CABLES1: variants seen among roughly 807,000 people sequenced by gnomAD.
CABLES1 encodes CDK5 and ABL1 enzyme substrate 1.
CABLES1 carries 36 observed loss-of-function variants against 57.8 expected under a neutral mutation model. The observed-to-expected ratio is 0.62, with a 90% CI of 0.48 to 0.82. CABLES1 has a LOEUF of 0.82. Ranked by LOEUF, CABLES1 falls within the 40% of genes least tolerant of loss-of-function variation. CABLES1 has a pLI of 0.00. For missense variants in CABLES1, 767 were observed against 836.6 expected (o/e 0.92, Z 1.03); for synonymous variants, 374 against 363.0 (o/e 1.03, Z -0.35).
chr18:23,139,642 A>T (rs2046845219), intron 1 of CABLES1, among the ~76,000 whole-genome samples: 1 of 152,200 alleles, frequency 6.6e-6, no homozygotes, highest in Admixed American at 6.5e-5. Flanking sequence ...GATTCTTGAC[A>T]TCTATTGTAT....
At chr18:23,233,411 T>C (rs1192071566) in intron 4 of CABLES1, among the ~76,000 whole-genome samples, 1 of 152,216 alleles carries the variant, frequency 6.6e-6, no homozygotes, top group Non-Finnish European at 1.5e-5. Context: ...CAACCTACCG[T>C]CCTGGTGACC....
chr18:23,167,804 C>T (rs1004801049), intron 1 of CABLES1, among the ~76,000 whole-genome samples: 55 of 152,086 alleles, frequency 3.6e-4, no homozygotes, highest in Non-Finnish European at 7.6e-4. Context: ...TCGTTGGGGG[C>T]CTCGGCAGGT....
At chr18:23,246,900 C>T (rs1274159828) in intron 7 of CABLES1, among the ~76,000 whole-genome samples, 2 of 152,152 alleles carry the variant, frequency 1.3e-5, no homozygotes, top group Non-Finnish European at 1.5e-5. Context: ...ACCATGTTGG[C>T]CAAGCTGGTC....
At chr18:23,170,824 G>T (rs950767734) in intron 1 of CABLES1, among the ~76,000 whole-genome samples, 2 of 152,116 alleles carry the variant, frequency 1.3e-5, no homozygotes, top group Non-Finnish European at 1.5e-5. Flanking sequence ...TGAGACAGAG[G>T]CTTGCTCTAT....
Position 23,205,181 on chromosome 18 carries a change from C to CTTTT in CABLES1, c.1011-8775_1011-8772dup, listed in dbSNP as rs34690271. 2.7e-3 allele frequency among the ~76,000 whole-genome samples: 222 copies of CTTTT among 81,180 alleles called. 7 individuals carry two copies. The highest frequency in any genetic ancestry group is 6.1e-3 in the African/African-American group (121 of 19,734). The allele number at this position is 81,180 out of a possible 152,430, so 53.3% of individuals were successfully genotyped here. A position where few individuals can be genotyped will look rare whatever the true frequency, so the allele number is the denominator to read the frequency against. On this transcript the variant is annotated intron_variant, in intron 3 of 9. Coordinates refer to ENST00000256925, the MANE Select transcript of CABLES1 (RefSeq NM_001100619.3). ...AATTCCAAAAGGACTTCATTCCTGACTTTTTTTTTTTTTTTTTTTTTTTTG... is the reference window on the plus strand; with the variant it reads ...AATTCCAAAAGGACTTCATTCCTGACTTTTTTTTTTTTTTTTTTTTTTTTTTTTG...
At chr18:23,224,611 C>G (rs1418060954) in intron 4 of CABLES1, among the ~76,000 whole-genome samples, 1 of 126,384 alleles carries the variant, frequency 7.9e-6, no homozygotes, top group African/African-American at 3.0e-5. Context: ...CTCAGTTGCT[C>G]AGGCTGGAGT....
intron 1 of CABLES1, among the ~76,000 whole-genome samples, chr18:23,171,291 T>G (rs1263759861): frequency 6.6e-5 from 10 of 152,252 alleles, no homozygotes. Context: ...CGGATTGTTC[T>G]TAAAGGCAAG....
At chr18:23,135,129 C>G (rs557887223), upstream of CABLES1, among the ~76,000 whole-genome samples, 1 of 152,192 alleles carries the variant, frequency 6.6e-6, no homozygotes, top group South Asian at 2.1e-4. Context: ...CCTAACCCAC[C>G]GGGTTCTGCT....
intron 1 of CABLES1, among the ~76,000 whole-genome samples, chr18:23,186,978 C>T (rs1017671318): frequency 6.6e-6 from 1 of 152,352 alleles, no homozygotes; most frequent in South Asian, 2.1e-4. Flanking sequence ...GGCTGTGTCT[C>T]AACCCATAGC....
intron 1 of CABLES1, among the ~76,000 whole-genome samples, chr18:23,157,239 T>C (rs2046971757): frequency 6.6e-6 from 1 of 152,098 alleles, no homozygotes; most frequent in Non-Finnish European, 1.5e-5. Flanking sequence ...TATTTAGAAA[T>C]ACATATATAT....
chr18:23,212,984 A>C (rs1261226597), intron 3 of CABLES1, among the ~76,000 whole-genome samples: 2 of 152,156 alleles, frequency 1.3e-5, no homozygotes, highest in Non-Finnish European at 2.9e-5. Flanking sequence ...CACGGGTAGA[A>C]CGGTAAAATC....
In CABLES1 at chr18:23,161,007, T is replaced by G. The variant is rs901786965; in HGVS notation, c.845+24400T>G. Among the ~76,000 whole-genome samples, 6 of 152,002 alleles carry G rather than the reference T, an allele frequency of 3.9e-5. No homozygotes were observed. In the South Asian group the frequency reaches 6.2e-4, roughly 16 times the overall value. On this transcript the variant is annotated intron_variant, in intron 1 of 9. Coordinates refer to ENST00000256925, the MANE Select transcript of CABLES1 (RefSeq NM_001100619.3). ...AAGATCACACCATTGCACTCCAGCC[T>G]GGGTGACACTGACACAGTGAGACTC...
intron 1 of CABLES1, among the ~76,000 whole-genome samples, chr18:23,161,993 C>G (rs56161124): frequency 0.022 from 3,275 of 151,988 alleles, 128 homozygotes; most frequent in African/African-American, 0.075. Flanking sequence ...TGGCGAAGCC[C>G]TGTCTCTACT....
intron 3 of CABLES1, among the ~76,000 whole-genome samples, chr18:23,212,265 A>G (rs752022312): frequency 9.2e-5 from 14 of 152,320 alleles, no homozygotes; most frequent in Non-Finnish European, 1.3e-4. Context: ...AGTGTGTACT[A>G]TTTGCCAGCT....
chr18:23,209,945 C>T (rs1353254466), intron 3 of CABLES1, among the ~76,000 whole-genome samples: 1 of 152,286 alleles, frequency 6.6e-6, no homozygotes, highest in East Asian at 1.9e-4. Context: ...CTAATTGTGG[C>T]TGTGGAAGCT....
intron 7 of CABLES1, among the ~76,000 whole-genome samples, chr18:23,250,812 C>T (rs2048019482): frequency 1.3e-5 from 2 of 152,300 alleles, no homozygotes; most frequent in South Asian, 4.1e-4. Context: ...CTCTTCCAGC[C>T]AAGTGTTCGA....
chr18:23,194,970 A>G (rs45626731), intron 3 of CABLES1, among the ~76,000 whole-genome samples: 19,785 of 152,112 alleles, frequency 0.13, 1,807 homozygotes, highest in Admixed American at 0.26. Flanking sequence ...TCCTGGCTTT[A>G]ACTCTCTTTT....
intron 9 of CABLES1, among the ~76,000 whole-genome samples, chr18:23,256,574 G>A (rs549062512): frequency 2.9e-4 from 44 of 152,118 alleles, no homozygotes; most frequent in Middle Eastern, 3.4e-3. Context: ...TCCACCTCCC[G>A]GGTTCAAGTG....
chr18:23,249,189 T>C (rs966907499), intron 7 of CABLES1, among the ~76,000 whole-genome samples: 6 of 152,168 alleles, frequency 3.9e-5, no homozygotes, highest in African/African-American at 1.4e-4. Flanking sequence ...GAGCATCCAA[T>C]AGGAGGAGCC....
Sources: allele counts gnomAD v4.1 joint callset (sites outside exome capture counted in the v4.1 genomes callset), GRCh38; gene constraint gnomAD v4.1.1; transcripts MANE v1.5; gene names NCBI Gene and HGNC (gene_info 2026-07-23, HGNC 2026-07-21).